ATP13A4: variants seen among roughly 807,000 people sequenced by gnomAD.
The protein encoded by ATP13A4 is ATPase 13A4, also known as probable cation-transporting ATPase 13A4.
Under a neutral mutation model 142.5 loss-of-function variants are expected in ATP13A4, and 114 were observed. That is an observed-to-expected ratio of 0.80 (90% CI 0.69 to 0.93). ATP13A4 has a LOEUF of 0.93. Ranked by LOEUF, ATP13A4 falls within the 40% of genes least tolerant of loss-of-function variation. ATP13A4 has a pLI of 0.00. For missense variants in ATP13A4, 1,392 were observed against 1,454.0 expected, an observed-to-expected ratio of 0.96 and a Z score of 0.69; for synonymous variants, 488 against 514.8, an observed-to-expected ratio of 0.95 and a Z score of 0.70.
chr3:193,449,227 A>T (rs1003929701), intron 17 of ATP13A4, among the ~76,000 whole-genome samples: 1 of 152,218 alleles, frequency 6.6e-6, no homozygotes, highest in East Asian at 1.9e-4. Flanking sequence ...ATTTTCAGGG[A>T]TATTCTACAG....
intron 1 of ATP13A4, among the ~76,000 whole-genome samples, chr3:193,543,307 C>G (rs1471153053): frequency 6.6e-6 from 1 of 152,162 alleles, no homozygotes; most frequent in Non-Finnish European, 1.5e-5. Flanking sequence ...AGCTAAAGAG[C>G]TTCTGCACAA....
At chr3:193,483,423 G>A (rs1369155851) in intron 8 of ATP13A4, among the ~76,000 whole-genome samples, 1 of 152,098 alleles carries the variant, frequency 6.6e-6, no homozygotes, top group East Asian at 1.9e-4. Context: ...TTTACCAAAT[G>A]TTAATTCCAC....
chr3:193,575,205 G>C (rs1042142497), intron 2 of ATP13A4, among the ~76,000 whole-genome samples: 1 of 152,204 alleles, frequency 6.6e-6, no homozygotes, highest in Non-Finnish European at 1.5e-5. Context: ...ATAATTGGAA[G>C]TTTCCTTCCT....
intron 3 of ATP13A4, among the ~76,000 whole-genome samples, chr3:193,496,865 A>G (rs887072147): frequency 6.6e-6 from 1 of 151,984 alleles, no homozygotes; most frequent in Non-Finnish European, 1.5e-5. Flanking sequence ...GGCAATCCAC[A>G]TGCAGAAGAA....
At chr3:193,572,206 C>A (rs1006489673) in intron 2 of ATP13A4, among the ~76,000 whole-genome samples, 7 of 152,046 alleles carry the variant, frequency 4.6e-5, no homozygotes, top group African/African-American at 1.5e-4. Flanking sequence ...CGAGATCATG[C>A]CACTGCACTC....
At chr3:193,557,709 A>G (rs1342708959), upstream of ATP13A4, among the ~76,000 whole-genome samples, 1 of 152,236 alleles carries the variant, frequency 6.6e-6, no homozygotes, top group Non-Finnish European at 1.5e-5. Flanking sequence ...CCTCTTCTAC[A>G]CATTTATTTG....
At chr3:193,437,671 T>A (rs968135364) in intron 23 of ATP13A4, among the ~76,000 whole-genome samples, 3 of 152,114 alleles carry the variant, frequency 2.0e-5, no homozygotes, top group African/African-American at 7.2e-5. Context: ...ATAGCATTTT[T>A]AAACTAGAAA....
Position 193,402,793 on chromosome 3 carries a change from CT to C in ATP13A4, c.3449del (p.Gln1150ArgfsTer18). 1 of 1,614,196 alleles carries C rather than the reference CT, an allele frequency of 6.2e-7. No homozygotes were observed. Among genetic ancestry groups the C allele is most frequent in the Non-Finnish European group, 8.5e-7 (1 of 1,180,022 alleles). ...CCAAGTCCCTCTGCCATATCCGATA[CT>C]GGCTTTTTGACTGATAGCCGAAACA... is the stretch of plus-strand genomic sequence containing the variant. ...KRCFGYQSKS[Q>X]YRIWQRDLAN... On this transcript the variant is annotated frameshift_variant, in exon 30 of 30. Coordinates refer to ENST00000342695, the MANE Select transcript of ATP13A4 (RefSeq NM_032279.4). LOFTEE classifies it high-confidence loss of function.
intron 1 of ATP13A4, among the ~76,000 whole-genome samples, chr3:193,531,296 G>GAGGAAGGAAGGA (rs772860170): frequency 1.8e-3 from 130 of 73,984 alleles, no homozygotes; most frequent in Middle Eastern, 0.011. Flanking sequence ...GGGAGGGAGG[G>GAGGAAGGAAGGA]AGGAAGGAAG....
At chr3:193,456,352 A>G (rs1178368821) in intron 16 of ATP13A4, among the ~76,000 whole-genome samples, 1 of 151,962 alleles carries the variant, frequency 6.6e-6, no homozygotes, top group African/African-American at 2.4e-5. Context: ...GCCTGGGAGG[A>G]GGTGGTTCAG....
At chr3:193,555,573 T>G (rs945504592), upstream of ATP13A4, among the ~76,000 whole-genome samples, 4 of 152,224 alleles carry the variant, frequency 2.6e-5, no homozygotes, top group Admixed American at 2.6e-4. Context: ...AGAAATAAAA[T>G]ATTCAAATGA....
chr3:193,519,801 T>G (rs1416717452), intron 1 of ATP13A4, among the ~76,000 whole-genome samples: 3 of 151,726 alleles, frequency 2.0e-5, no homozygotes, highest in African/African-American at 7.3e-5. Context: ...CCCGTCACTG[T>G]GCCCAGCTAA....
chr3:193,556,885 C>T (rs139704753), upstream of ATP13A4, among the ~76,000 whole-genome samples: 711 of 152,200 alleles, frequency 4.7e-3, 2 homozygotes, highest in Non-Finnish European at 6.3e-3. Context: ...CAAGCATATT[C>T]CAAATTTCAT....
chr3:193,418,500 G>A (rs555878085), intron 25 of ATP13A4, among the ~76,000 whole-genome samples: 4 of 149,332 alleles, frequency 2.7e-5, no homozygotes, highest in African/African-American at 9.9e-5. Flanking sequence ...CAGAAAACCA[G>A]TATGGCCACA....
At chr3:193,581,722 G>A (rs1724550394) in exon 2 of ATP13A4, 1 of 152,100 alleles carries the variant, frequency 6.6e-6, no homozygotes, top group Admixed American at 6.6e-5. Context: ...CCTGATCTCT[G>A]GGAATGTCTC....
At chr3:193,518,984 G>T (rs1721572293) in intron 1 of ATP13A4, among the ~76,000 whole-genome samples, 1 of 152,024 alleles carries the variant, frequency 6.6e-6, no homozygotes, top group Non-Finnish European at 1.5e-5. Flanking sequence ...CCAACTTCTG[G>T]CATCTGGTGC....
At chr3:193,576,619 C>T (rs972152560) in intron 2 of ATP13A4, among the ~76,000 whole-genome samples, 1 of 152,148 alleles carries the variant, frequency 6.6e-6, no homozygotes, top group East Asian at 1.9e-4. Flanking sequence ...TTCTAATTAA[C>T]CTCTGGGTTA....
chr3:193,586,664 T>C (rs1724678246), intron 1 of ATP13A4, among the ~76,000 whole-genome samples: 3 of 152,368 alleles, frequency 2.0e-5, no homozygotes, highest in East Asian at 1.9e-4. Context: ...CAAAAGCCAA[T>C]TGACTGCAGA....
intron 13 of ATP13A4, 68 bp from the exon 14 acceptor site, chr3:193,459,299 A>T: frequency 6.3e-7 from 1 of 1,577,970 alleles, no homozygotes; most frequent in Non-Finnish European, 8.7e-7. Flanking sequence ...CTTGGAGGTG[A>T]ACAAACATCT....
Sources: gnomAD v4.1 joint callset for allele counts (sites outside exome capture counted in the v4.1 genomes callset) on GRCh38, gnomAD v4.1.1 for gene constraint, MANE v1.5 for transcripts, NCBI Gene and HGNC (gene_info 2026-07-23, HGNC 2026-07-21) for gene names.